Variants in CCSER1 observed in about 807,000 individuals in gnomAD.
CCSER1 encodes the protein coiled-coil serine rich protein 1, also known as serine-rich coiled-coil domain-containing protein 1.
A neutral mutation model predicts 82.0 loss-of-function variants in CCSER1; 41 were observed. That is an observed-to-expected ratio of 0.50 (90% CI 0.39 to 0.65). CCSER1 has a LOEUF of 0.65. CCSER1 is among the 30% of genes least tolerant of loss of function. CCSER1 has a pLI of 0.00. For missense variants in CCSER1, 1,119 were observed against 1,064.2 expected (o/e 1.05, Z -0.72); for synonymous variants, 414 against 383.9 (o/e 1.08, Z -0.92).
chr4:91,398,897 C>T (rs948185604), intron 10 of CCSER1, among the ~76,000 whole-genome samples: 3 of 151,758 alleles, frequency 2.0e-5, no homozygotes, highest in Non-Finnish European at 4.4e-5. Flanking sequence ...ATTCTTGGAC[C>T]AGTGTGCAGA....
chr4:90,129,813 A>G lies in CCSER1; in HGVS notation c.-42+1982A>G, dbSNP rs1406158255. ...TATATTACTTTGAAATACATTTTCA[A>G]CACGGAAGCATGTGCAGCTTTAAAT... On this transcript the variant is annotated intron_variant, in intron 1 of 10. Coordinates refer to ENST00000509176, the MANE Select transcript of CCSER1 (RefSeq NM_001145065.2). Among the ~76,000 whole-genome samples the G allele has an allele frequency of 2.6e-5, 4 of 152,224 alleles. No homozygotes were observed. The East Asian group carries it at 7.7e-4, about 29-fold the overall frequency.
At chr4:90,805,755 A>G (rs775566619) in intron 7 of CCSER1, among the ~76,000 whole-genome samples, 4 of 152,226 alleles carry the variant, frequency 2.6e-5, no homozygotes, top group Non-Finnish European at 5.9e-5. Context: ...TTATTAAATT[A>G]TATTTTTCCT....
chr4:90,819,696 T>G (rs1435491659), intron 8 of CCSER1, among the ~76,000 whole-genome samples: 6 of 152,210 alleles, frequency 3.9e-5, no homozygotes, highest in Non-Finnish European at 8.8e-5. Flanking sequence ...CACTTCCAAT[T>G]TATTCCTTCT....
chr4:90,887,507 T>C (rs762985174), intron 8 of CCSER1, among the ~76,000 whole-genome samples: 2 of 152,190 alleles, frequency 1.3e-5, no homozygotes, highest in Non-Finnish European at 2.9e-5. Flanking sequence ...CTATTCTAAA[T>C]GAAATTATAA....
chr4:90,843,376 A>G (rs1457828571), intron 8 of CCSER1, among the ~76,000 whole-genome samples: 1 of 152,196 alleles, frequency 6.6e-6, no homozygotes, highest in Non-Finnish European at 1.5e-5. Flanking sequence ...GAAACTGGTA[A>G]TAAACTAAGA....
In CCSER1 at chr4:90,309,476, G is replaced by A. The variant is rs1161513994; in HGVS notation, c.1192G>A (p.Glu398Lys). 1 of 1,613,716 alleles carries A rather than the reference G, an allele frequency of 6.2e-7. No individual in the cohort carries two copies. Among genetic ancestry groups the A allele is most frequent in the Non-Finnish European group, 8.5e-7 (1 of 1,179,804 alleles). ...CTCCCCAAGGAAACTTGGATTTTATGAGCAACATAAAGCAATAGCGGAACA... is the reference window on the plus strand; with the variant it reads ...CTCCCCAAGGAAACTTGGATTTTATAAGCAACATAAAGCAATAGCGGAACA... Reference protein sequence around the residue: ...TNSPRKLGFYEQHKAIAEHVK... With the variant: ...TNSPRKLGFYKQHKAIAEHVK... Residue 398 changes from glutamate to lysine, a missense_variant, in exon 2 of 11, where the codon GAG (glutamate) becomes AAG (lysine). Coordinates refer to ENST00000509176, the MANE Select transcript of CCSER1 (RefSeq NM_001145065.2).
intron 1 of CCSER1, among the ~76,000 whole-genome samples, chr4:90,300,860 C>G (rs1375096272): frequency 2.0e-5 from 3 of 152,144 alleles, no homozygotes; most frequent in Non-Finnish European, 4.4e-5. Flanking sequence ...GGGTCTCGCT[C>G]TGTCACCCAG....
At chr4:90,733,103 C>T (rs889146454) in intron 7 of CCSER1, among the ~76,000 whole-genome samples, 3 of 152,178 alleles carry the variant, frequency 2.0e-5, no homozygotes, top group African/African-American at 7.2e-5. Flanking sequence ...TGAGGAACCT[C>T]CAAGTTGTAC....
chr4:90,501,735 T>C (rs1769910040), intron 5 of CCSER1, among the ~76,000 whole-genome samples: 1 of 152,216 alleles, frequency 6.6e-6, no homozygotes, highest in Non-Finnish European at 1.5e-5. Flanking sequence ...TAAAGTCGCC[T>C]AGCAGATGAA....
intron 5 of CCSER1, among the ~76,000 whole-genome samples, chr4:90,548,045 C>T (rs964070226): frequency 1.3e-5 from 2 of 151,972 alleles, no homozygotes; most frequent in Admixed American, 1.3e-4. Context: ...CTAAGCCTCA[C>T]GTTGGTATTG....
intron 10 of CCSER1, among the ~76,000 whole-genome samples, chr4:91,429,960 T>C (rs889523270): frequency 1.3e-5 from 2 of 152,006 alleles, no homozygotes; most frequent in Admixed American, 1.3e-4. Context: ...GCCTCATTTC[T>C]ATATTTTCAC....
intron 1 of CCSER1, among the ~76,000 whole-genome samples, chr4:90,233,291 C>T (rs1224583539): frequency 6.6e-6 from 1 of 151,926 alleles, no homozygotes; most frequent in Non-Finnish European, 1.5e-5. Flanking sequence ...TACTATGCAG[C>T]CATAAAAAAT....
chr4:90,192,175 C>T (rs1486327477), intron 1 of CCSER1, among the ~76,000 whole-genome samples: 1 of 151,980 alleles, frequency 6.6e-6, no homozygotes, highest in Non-Finnish European at 1.5e-5. Flanking sequence ...GAGCAAGTCA[C>T]ATGTTACGTG....
intron 10 of CCSER1, among the ~76,000 whole-genome samples, chr4:91,439,952 C>T (rs527279428): frequency 6.6e-6 from 1 of 152,080 alleles, no homozygotes; most frequent in Non-Finnish European, 1.5e-5. Context: ...CAGGAGCACC[C>T]AGATTCATAA....
chr4:90,827,918 C>A (rs142328367), intron 8 of CCSER1, among the ~76,000 whole-genome samples: 5 of 151,966 alleles, frequency 3.3e-5, no homozygotes, highest in Admixed American at 1.3e-4. Context: ...GGTTATAGAG[C>A]CGAGGGGGAA....
At chr4:91,223,871 AATCT>A (rs1299830113) in intron 10 of CCSER1, among the ~76,000 whole-genome samples, 7 of 152,110 alleles carry the variant, frequency 4.6e-5, no homozygotes, top group African/African-American at 1.4e-4. Context: ...TGGCTAATTC[AATCT>A]ATCATTTTCT....
intron 10 of CCSER1, among the ~76,000 whole-genome samples, chr4:91,401,452 GGTTT>G (rs1752321391): frequency 6.6e-6 from 1 of 151,106 alleles, no homozygotes; most frequent in Non-Finnish European, 1.5e-5. Flanking sequence ...ACAACGTGCA[GGTTT>G]GTTACATATG....
intron 6 of CCSER1, among the ~76,000 whole-genome samples, chr4:90,638,107 C>T (rs954207860): frequency 5.9e-5 from 9 of 152,202 alleles, no homozygotes; most frequent in African/African-American, 2.2e-4. Context: ...AATTGTTTGA[C>T]TGTGAAGTTC....
chr4:90,495,466 T>G (rs1768839190), intron 5 of CCSER1, among the ~76,000 whole-genome samples: 1 of 152,180 alleles, frequency 6.6e-6, no homozygotes, highest in Non-Finnish European at 1.5e-5. Flanking sequence ...ACAGCTTAGC[T>G]GCATTGACAT....
Sources: gnomAD v4.1 joint callset for allele counts (sites outside exome capture counted in the v4.1 genomes callset) on GRCh38, gnomAD v4.1.1 for gene constraint, MANE v1.5 for transcripts, NCBI Gene and HGNC (gene_info 2026-07-23, HGNC 2026-07-21) for gene names.